The following EFCC1 variants were observed in gnomAD, a reference collection of about 807,000 sequenced individuals.
EFCC1 encodes the protein EF-hand and coiled-coil domain-containing protein 1.
Under a neutral mutation model 52.1 loss-of-function variants are expected in EFCC1, and 50 were observed. That is an observed-to-expected ratio of 0.96 (90% CI 0.76 to 1.21). The LOEUF is 1.21. Among genes scored for constraint, EFCC1 ranks in the 50% most tolerant of loss-of-function variants. The probability of loss-of-function intolerance (pLI) is 0.00; values close to 1 mark genes in which losing one functional copy is unlikely to be tolerated. For synonymous variants in EFCC1, 399 were observed against 396.5 expected (o/e 1.01, Z -0.08); for missense variants, 837 against 867.3 (o/e 0.97, Z 0.44).
chr3:129,009,557 T>C (rs1273407557), intron 2 of EFCC1, among the ~76,000 whole-genome samples: 1 of 152,238 alleles, frequency 6.6e-6, no homozygotes, highest in Non-Finnish European at 1.5e-5. Flanking sequence ...TTTGATGCTC[T>C]GACTGGCCAA....
chr3:129,028,746 G>A (rs1195336072), intron 2 of EFCC1, among the ~76,000 whole-genome samples: 4 of 151,780 alleles, frequency 2.6e-5, no homozygotes, highest in African/African-American at 9.7e-5. Flanking sequence ...AGGTTCAAGC[G>A]ATTCTCCTGC....
chr3:129,024,857 C>T (rs919353801), intron 2 of EFCC1, among the ~76,000 whole-genome samples: 4 of 152,128 alleles, frequency 2.6e-5, no homozygotes, highest in Non-Finnish European at 5.9e-5. Context: ...CAAACCATAG[C>T]AGAGGGAGAG....
At chr3:129,031,929 C>CA (rs764492740) in intron 3 of EFCC1, among the ~76,000 whole-genome samples, 21 of 152,286 alleles carry the variant, frequency 1.4e-4, no homozygotes, top group Non-Finnish European at 2.8e-4. Context: ...AGGCTGCACT[C>CA]AGCCTGGCCG....
chr3:129,026,561 T>TA (rs1252269039), intron 2 of EFCC1, among the ~76,000 whole-genome samples: 1 of 152,182 alleles, frequency 6.6e-6, no homozygotes, highest in Non-Finnish European at 1.5e-5. Flanking sequence ...CCCAGTGAGC[T>TA]AAAATCGCCT....
rs562946344 is a variant in EFCC1, at chr3:129,039,628, G to A, written c.1664-84G>A. 22 of 1,508,032 alleles carry A rather than the reference G, an allele frequency of 1.5e-5. No homozygotes were observed. The African/African-American group carries it at 2.6e-4, about 18-fold the overall frequency. The allele number at this position is 1,508,032 out of a possible 1,614,324, so 93.4% of individuals were successfully genotyped here. On this transcript the variant is annotated intron_variant, in intron 7 of 7. Transcript: ENST00000683648. The stretch of plus-strand genomic sequence containing the variant: ...AGGGGCACAGCGGGTAAGAGTGGCT[G>A]GGTCTCAGGAAGGAGGGACAGTGGC...
intron 2 of EFCC1, among the ~76,000 whole-genome samples, chr3:129,022,214 A>G (rs926761637): frequency 5.9e-5 from 9 of 152,312 alleles, no homozygotes; most frequent in South Asian, 4.1e-4. Context: ...ATTTCATTTC[A>G]TCCTCATAGG....
At position 129,001,834 on chromosome 3, in the gene EFCC1, G is replaced by C; in HGVS notation, c.206G>C (p.Arg69Pro). Residue 69 changes from arginine to proline, a missense_variant, in exon 1 of 8, where the codon CGC becomes CCC. Physicochemically the swap from Arg to Pro is moderately radical, Grantham distance 103 (BLOSUM62 -2). Coordinates refer to ENST00000683648, the MANE Select transcript of EFCC1 (RefSeq NM_001377500.1). ...GAGGTCTTCCACCACCTGGACTGCC[G>C]CGGCGCCGGCCGTCTGCCCCGCGCC... Reference protein sequence around the residue: ...LQEVFHHLDCRGAGRLPRADF... With the variant: ...LQEVFHHLDCPGAGRLPRADF... 6.5e-7 allele frequency: 1 copy of C among 1,545,598 alleles called. No homozygotes were observed. The highest frequency in any genetic ancestry group is 1.4e-5 in the African/African-American group (1 of 72,544).
At chr3:129,027,315 G>GGGGGCCCCGGCGCC (rs1946150079) in intron 2 of EFCC1, among the ~76,000 whole-genome samples, 1 of 152,164 alleles carries the variant, frequency 6.6e-6, no homozygotes, top group South Asian at 2.1e-4. Context: ...AGGCGCTGCA[G>GGGGGCCCCGGCGCC]GGGGCCCCGG....
chr3:129,025,108 G>A (rs1428428121), intron 2 of EFCC1, among the ~76,000 whole-genome samples: 1 of 152,102 alleles, frequency 6.6e-6, no homozygotes, highest in South Asian at 2.1e-4. Flanking sequence ...AGTTAAGTTC[G>A]GGCGCTTGTC....
intron 7 of EFCC1, 72 bp from the exon 8 acceptor site, chr3:129,039,640 G>A: frequency 2.8e-5 from 42 of 1,509,120 alleles, no homozygotes; most frequent in Non-Finnish European, 3.7e-5. Context: ...GTCTCAGGAA[G>A]GAGGGACAGT....
In EFCC1 at chr3:129,014,316, C is replaced by G. The variant is rs1945470271; in HGVS notation, c.980+10239C>G. On this transcript the variant is annotated intron_variant, in intron 2 of 7. Coordinates refer to ENST00000683648, the MANE Select transcript of EFCC1 (RefSeq NM_001377500.1). The surrounding 1 kb of genome is among the most constrained non-coding windows in gnomAD (Gnocchi z 4.3). The stretch of plus-strand genomic sequence containing the variant: ...TCAGCTCGGGCTGCTGTGACAAGCC[C>G]CACAGACCAGGAGCTTCAACAACAG... Among the ~76,000 whole-genome samples the G allele has an allele frequency of 6.6e-6, 1 of 152,212 alleles. No homozygotes were observed. The highest frequency in any genetic ancestry group is 1.5e-5 in the Non-Finnish European group (1 of 68,044).
chr3:129,018,411 T>G (rs535777262), intron 2 of EFCC1, among the ~76,000 whole-genome samples: 2 of 152,354 alleles, frequency 1.3e-5, no homozygotes, highest in Admixed American at 1.3e-4. Context: ...CATATGAAAA[T>G]TTCATAAAAT....
Position 129,014,063 on chromosome 3 carries a change from G to A in EFCC1, c.980+9986G>A, listed in dbSNP as rs910050633. Among the ~76,000 whole-genome samples, 7 of 152,222 alleles carry A rather than the reference G, an allele frequency of 4.6e-5. No homozygotes were observed. The highest frequency in any genetic ancestry group is 2.6e-4 in the Admixed American group (4 of 15,282). On this transcript the variant is annotated intron_variant, in intron 2 of 7. Coordinates refer to ENST00000683648, the MANE Select transcript of EFCC1 (RefSeq NM_001377500.1). This position sits in a 1 kb window ranked among gnomAD's most constrained non-coding sequence, Gnocchi z 4.3. Reference sequence around the variant, plus strand: ...AGGAAGGGGCAGACAGAGTCTTCAGGCTCTTCATTTTGCCTCTTCATGATT... The same window carrying A: ...AGGAAGGGGCAGACAGAGTCTTCAGACTCTTCATTTTGCCTCTTCATGATT...
chr3:129,008,099 A>C (rs144388604), intron 2 of EFCC1, among the ~76,000 whole-genome samples: 58 of 152,348 alleles, frequency 3.8e-4, no homozygotes, highest in African/African-American at 1.4e-3. Flanking sequence ...ATCTGCCTCC[A>C]CCAGGCCCTG....
intron 2 of EFCC1, among the ~76,000 whole-genome samples, chr3:129,021,063 C>T (rs190600780): frequency 2.6e-5 from 4 of 152,248 alleles, no homozygotes; most frequent in African/African-American, 9.6e-5. Context: ...GGAGGGTTTG[C>T]CTCAGTGACT....
chr3:129,027,796 A>G (rs571331818), intron 2 of EFCC1, among the ~76,000 whole-genome samples: 1 of 152,144 alleles, frequency 6.6e-6, no homozygotes, highest in Admixed American at 6.5e-5. Context: ...TCTACTAAAA[A>G]TACAAAAGTT....
Position 129,039,794 on chromosome 3 carries a change from G to A in EFCC1, c.1746G>A (p.Ser582=), listed in dbSNP as rs758575246. 5.6e-6 allele frequency: 9 copies of A among 1,612,042 alleles called. No individual in the cohort carries two copies. The highest frequency in any genetic ancestry group is 2.2e-5 in the East Asian group (1 of 44,736). Residue 582 remains serine (S), a synonymous_variant, in exon 8 of 8, where the codon TCG becomes TCA. Coordinates refer to ENST00000683648, the MANE Select transcript of EFCC1 (RefSeq NM_001377500.1). ...GCCAGCTGTTGCGGAGACAGCCCTC[G>A]GCACCAGCCTCTGCAGCAGCTGCGC... is the stretch of plus-strand genomic sequence containing the variant. ...AACQLLRRQP[S]APASAAAALT...
intron 2 of EFCC1, among the ~76,000 whole-genome samples, chr3:129,029,123 G>A (rs1456063282): frequency 1.3e-5 from 2 of 152,048 alleles, no homozygotes; most frequent in Non-Finnish European, 2.9e-5. Context: ...AACACCACTC[G>A]GCCTCCCCTT....
chr3:129,017,042 C>A (rs1454589594), intron 2 of EFCC1, among the ~76,000 whole-genome samples: 1 of 152,222 alleles, frequency 6.6e-6, no homozygotes, highest in Non-Finnish European at 1.5e-5. Flanking sequence ...TCATTTTGGC[C>A]TGTCAGCAAG....
Sources: allele counts gnomAD v4.1 joint callset (sites outside exome capture counted in the v4.1 genomes callset), GRCh38; gene constraint gnomAD v4.1.1; non-coding constraint Gnocchi (gnomAD v3.1); transcripts MANE v1.5; gene names NCBI Gene and HGNC (gene_info 2026-07-23, HGNC 2026-07-21).